The following EYA3 variants were observed in gnomAD, a reference collection of about 807,000 sequenced individuals.
EYA3 encodes protein phosphatase EYA3.
In EYA3, 39 loss-of-function variants were observed where a neutral mutation model predicts 80.0. The observed-to-expected ratio is 0.49, with a 90% CI of 0.38 to 0.64. The LOEUF (loss-of-function observed/expected upper bound fraction) is 0.64, where lower values mean the gene tolerates loss of function less well. Ranked by LOEUF, EYA3 falls within the 30% of genes least tolerant of loss-of-function variation. The pLI, the probability that EYA3 is intolerant of heterozygous loss-of-function variation, is 0.00. For synonymous variants in EYA3, 206 were observed against 232.8 expected, an observed-to-expected ratio of 0.88 and a Z score of 1.05; for missense variants, 523 against 676.1, an observed-to-expected ratio of 0.77 and a Z score of 2.51.
chr1:28,010,566 T>A (rs780107864), intron 10 of EYA3, among the ~76,000 whole-genome samples: 52 of 152,058 alleles, frequency 3.4e-4, no homozygotes, highest in Non-Finnish European at 6.8e-4. Flanking sequence ...TATATATTTT[T>A]AGAGATGGGG....
intron 1 of EYA3, among the ~76,000 whole-genome samples, chr1:28,069,973 G>A (rs1294626617): frequency 3.9e-5 from 6 of 152,146 alleles, no homozygotes; most frequent in Non-Finnish European, 5.9e-5. Flanking sequence ...ACCAGAAGCT[G>A]GGAGAGGCAA....
chr1:28,049,138 T>C (rs1317851167), intron 2 of EYA3, among the ~76,000 whole-genome samples: 2 of 152,332 alleles, frequency 1.3e-5, no homozygotes, highest in Non-Finnish European at 2.9e-5. Context: ...TTCAAGCTAA[T>C]AGAAGAAGGC....
chr1:28,000,418 T>C (rs1640747468), intron 11 of EYA3, among the ~76,000 whole-genome samples: 1 of 152,062 alleles, frequency 6.6e-6, no homozygotes, highest in African/African-American at 2.4e-5. Context: ...GTTCATGCCA[T>C]TCTCCTGCCT....
intron 1 of EYA3, among the ~76,000 whole-genome samples, chr1:28,082,197 C>T (rs1346940478): frequency 1.3e-5 from 2 of 152,142 alleles, no homozygotes; most frequent in African/African-American, 4.8e-5. Context: ...TCAAATGTCA[C>T]TTCTTACCAG....
At chr1:27,983,470 TACC>T (rs1227422516) in intron 16 of EYA3, among the ~76,000 whole-genome samples, 2 of 152,226 alleles carry the variant, frequency 1.3e-5, no homozygotes, top group African/African-American at 4.8e-5. Context: ...TTGGAGAATG[TACC>T]ACATTTAAAT....
chr1:27,978,324 T>G (rs1639077425), intron 17 of EYA3, 50 bp downstream of exon 17: 1 of 1,343,624 alleles, frequency 7.4e-7, no homozygotes, highest in Non-Finnish European at 1.1e-6. Flanking sequence ...CCCATTTTTC[T>G]CATTACTCGA....
intron 1 of EYA3, among the ~76,000 whole-genome samples, chr1:28,073,280 G>A (rs1645094036): frequency 1.4e-5 from 2 of 142,950 alleles, no homozygotes; most frequent in South Asian, 2.3e-4. Flanking sequence ...CTACAGGCAC[G>A]CACTACCACA....
intron 7 of EYA3, among the ~76,000 whole-genome samples, chr1:28,026,549 T>G (rs1571837845): frequency 6.6e-6 from 1 of 151,996 alleles, no homozygotes; most frequent in African/African-American, 2.4e-5. Context: ...GCCCGGAAGG[T>G]GAAGGCTGCA....
At chr1:28,053,797 T>C (rs984498221) in intron 2 of EYA3, among the ~76,000 whole-genome samples, 12 of 152,210 alleles carry the variant, frequency 7.9e-5, no homozygotes, top group Admixed American at 3.3e-4. Context: ...AAGAACAAAG[T>C]TGAATCCCAG....
At chr1:27,986,035 T>C (rs1173801760) in intron 16 of EYA3, among the ~76,000 whole-genome samples, 5 of 151,730 alleles carry the variant, frequency 3.3e-5, no homozygotes, top group Non-Finnish European at 4.4e-5. Context: ...AAAAAGCTGG[T>C]AAAATATGCA....
chr1:28,062,302 A>C (rs1644658858), intron 1 of EYA3, among the ~76,000 whole-genome samples: 1 of 152,182 alleles, frequency 6.6e-6, no homozygotes, highest in Admixed American at 6.5e-5. Context: ...AAGACTTTAC[A>C]CTTCTCTACC....
intron 3 of EYA3, among the ~76,000 whole-genome samples, chr1:28,046,857 T>TTA: frequency 6.6e-6 from 1 of 151,438 alleles, no homozygotes; most frequent in East Asian, 1.9e-4. Context: ...TTTTTTTTTT[T>TTA]AAATGAGACA....
chr1:28,025,959 A>G (rs977799020), intron 7 of EYA3, among the ~76,000 whole-genome samples: 2 of 151,950 alleles, frequency 1.3e-5, no homozygotes, highest in Non-Finnish European at 2.9e-5. Context: ...GGGTTTCTCC[A>G]TGTTGGTCAG....
At chr1:27,977,488 G>T in intron 17 of EYA3, 1 of 1,175,608 alleles carries the variant, frequency 8.5e-7, no homozygotes, top group Non-Finnish European at 1.2e-6. Flanking sequence ...AATTCACATA[G>T]CTGAGACACA....
At chr1:28,036,586 A>G (rs1643466957) in intron 5 of EYA3, among the ~76,000 whole-genome samples, 1 of 152,214 alleles carries the variant, frequency 6.6e-6, no homozygotes, top group African/African-American at 2.4e-5. Flanking sequence ...ACAGGACTCA[A>G]TCTCCTCAAT....
chr1:27,986,480 C>T (rs1178420891), intron 16 of EYA3, among the ~76,000 whole-genome samples: 1 of 149,654 alleles, frequency 6.7e-6, no homozygotes, highest in Non-Finnish European at 1.5e-5. Context: ...CTCACTGCAA[C>T]TCCACCTCCC....
At chr1:28,037,885 C>G (rs532081251) in intron 5 of EYA3, among the ~76,000 whole-genome samples, 2 of 152,300 alleles carry the variant, frequency 1.3e-5, no homozygotes, top group South Asian at 4.1e-4. Context: ...TATCCAGCAG[C>G]TGTAAGCACA....
At chr1:27,994,374 C>G (rs962620138) in intron 13 of EYA3, among the ~76,000 whole-genome samples, 1 of 152,190 alleles carries the variant, frequency 6.6e-6, no homozygotes, top group Non-Finnish European at 1.5e-5. Flanking sequence ...TAGCCAACAT[C>G]TTGATTTCAA....
chr1:28,070,910 T>C (rs1644997524), intron 1 of EYA3, among the ~76,000 whole-genome samples: 1 of 152,182 alleles, frequency 6.6e-6, no homozygotes, highest in Non-Finnish European at 1.5e-5. Context: ...AAAGTCTGCA[T>C]ACATTCACTA....
Sources: allele counts gnomAD v4.1 joint callset (sites outside exome capture counted in the v4.1 genomes callset), GRCh38; gene constraint gnomAD v4.1.1; transcripts MANE v1.5; gene names NCBI Gene and HGNC (gene_info 2026-07-23, HGNC 2026-07-21).